The following USP27X variants were observed in gnomAD, a reference collection of about 807,000 sequenced individuals.
USP27X encodes the protein ubiquitin carboxyl-terminal hydrolase 27.
For missense variants in USP27X, 161 were observed against 341.0 expected (o/e 0.47, Z 4.16); for synonymous variants, 109 against 141.5 (o/e 0.77, Z 1.63).
At position 49,880,824 on chromosome X, in the gene USP27X, T is replaced by C; in HGVS notation, c.517T>C (p.Leu173=). Reference sequence around the variant, plus strand: ...TGCCCACGAGTTCCTCATTGCAGCGTTAGATGTCCTGCACAGGCACTGCAA... The same window carrying C: ...TGCCCACGAGTTCCTCATTGCAGCGCTAGATGTCCTGCACAGGCACTGCAA... The part of the protein sequence containing the change: ...QDAHEFLIAA[L]DVLHRHCKGD... The change falls in exon 1 of 1, where the codon TTA becomes CTA. Residue 173 remains leucine, a synonymous_variant. Coordinates refer to ENST00000621775, the MANE Select transcript of USP27X (RefSeq NM_001145073.3). 8.4e-7 allele frequency: 1 copy of C among 1,195,861 alleles called. No homozygotes were observed. Among genetic ancestry groups the C allele is most frequent in the Non-Finnish European group, 1.1e-6 (1 of 887,063 alleles).
rs1249253607 is a variant in USP27X, at chrX:49,880,337, C to T, written c.30C>T (p.Asp10=). Reference sequence around the variant, plus strand: ...GTAAGGACTATGTATATGACAAAGACATTGAGCAAATTGCCAAAGAAGAGC... The same window carrying T: ...GTAAGGACTATGTATATGACAAAGATATTGAGCAAATTGCCAAAGAAGAGC... The part of the protein sequence containing the change: MCKDYVYDK[D]IEQIAKEEQG... Residue 10 remains aspartate, a synonymous_variant, in exon 1 of 1, where the codon GAC becomes GAT. Transcript: ENST00000621775. 1 of 1,164,360 alleles carries T rather than the reference C, an allele frequency of 8.6e-7. No homozygotes were observed. Among genetic ancestry groups the T allele is most frequent in the South Asian group, 1.9e-5 (1 of 52,166 alleles).
rs1557162681 is a variant in USP27X at position 49,881,163 on chromosome X, A to G, written c.856A>G (p.Ser286Gly). The G allele has an allele frequency of 1.7e-6, 2 of 1,168,501 alleles. No individual in the cohort carries two copies. Among genetic ancestry groups the G allele is most frequent in the Admixed American group, 2.6e-5 (1 of 38,803 alleles). ...AAGCAGTGCCAAAATCAAATGTGGT[A>G]GTTGCCAAAGCTACCAGGAATCTAC... Reference protein sequence around the residue: ...LGSSAKIKCGSCQSYQESTKQ... With the variant: ...LGSSAKIKCGGCQSYQESTKQ... The change falls in exon 1 of 1, where the codon AGT becomes GGT. Residue 286 changes from serine to glycine, a missense_variant. Coordinates refer to ENST00000621775, the MANE Select transcript of USP27X (RefSeq NM_001145073.3).
In USP27X at chrX:49,880,517, C is replaced by T. The variant is rs1469474071; in HGVS notation, c.210C>T (p.Thr70=). The change falls in exon 1 of 1, where the codon ACC becomes ACT. Residue 70 remains threonine, a synonymous_variant. Coordinates refer to ENST00000621775, the MANE Select transcript of USP27X (RefSeq NM_001145073.3). Reference sequence around the variant, plus strand: ...ACAACCCGAGGAGAAGAAGAATCACCTCCAGCTTTACGATCGGTTTAAGAG... The same window carrying T: ...ACAACCCGAGGAGAAGAAGAATCACTTCCAGCTTTACGATCGGTTTAAGAG... The part of the protein sequence containing the change: ...LGHNPRRRRI[T]SSFTIGLRGL... The T allele has an allele frequency of 8.6e-7, 1 of 1,166,043 alleles. No individual in the cohort carries two copies. The highest frequency in any genetic ancestry group is 2.6e-5 in the Admixed American group (1 of 38,568).
At position 49,880,901 on chromosome X, in the gene USP27X, C is replaced by T; in HGVS notation, c.594C>T (p.Ile198=). The change falls in exon 1 of 1, where the codon ATC becomes ATT. Residue 198 remains isoleucine (I), a synonymous_variant. Transcript: ENST00000621775. ...AANNPNHCNC[I]IDQIFTGGLQ... is the part of the protein sequence containing the mutation. ...ACAATCCCAACCACTGTAACTGCAT[C>T]ATAGACCAAATCTTCACAGGTGGCC... The T allele has an allele frequency of 2.5e-6, 3 of 1,210,742 alleles. No homozygotes were observed. Among genetic ancestry groups the T allele is most frequent in the Non-Finnish European group, 3.4e-6 (3 of 894,955 alleles).
chrX:49,880,754 G>C lies in USP27X; in HGVS notation c.447G>C (p.Leu149=). 8.5e-7 allele frequency: 1 copy of C among 1,169,634 alleles called. No individual in the cohort carries two copies. The highest frequency in any genetic ancestry group is 1.1e-6 in the Non-Finnish European group (1 of 873,877). Residue 149 remains leucine, a synonymous_variant, in exon 1 of 1, where the codon CTG becomes CTC. Coordinates refer to ENST00000621775, the MANE Select transcript of USP27X (RefSeq NM_001145073.3). ...SPHVPYKLLH[L]VWIHARHLAG... ...ATGTGCCCTATAAGTTACTGCACCT[G>C]GTGTGGATACATGCCCGCCATTTAG... is the stretch of plus-strand genomic sequence containing the variant.
chrX:49,880,811 C>T lies in USP27X; in HGVS notation c.504C>T (p.Phe168=), dbSNP rs1557162583. 8.4e-7 allele frequency: 1 copy of T among 1,188,881 alleles called. No individual in the cohort carries two copies. Among genetic ancestry groups the T allele is most frequent in the Admixed American group, 2.4e-5 (1 of 41,770 alleles). Residue 168 remains phenylalanine, a synonymous_variant, in exon 1 of 1, where the codon TTC becomes TTT. Coordinates refer to ENST00000621775, the MANE Select transcript of USP27X (RefSeq NM_001145073.3). ...AGYRQQDAHE[F]LIAALDVLHR... is the part of the protein sequence containing the mutation. ...ACAGGCAACAGGATGCCCACGAGTT[C>T]CTCATTGCAGCGTTAGATGTCCTGC... is the stretch of plus-strand genomic sequence containing the variant.
chrX:49,879,574 A>AGGCGGC lies in USP27X; in HGVS notation c.-732_-731insCGGCGG, dbSNP rs1361496290. On this transcript the variant is annotated 5_prime_UTR_variant, in exon 1 of 1. Transcript: ENST00000621775. ...AAGGTGGAGGCGGAGGCGAAGGTGG[A>AGGCGGC]GGGGAAGGCGGAGGCGGCGGGGAAG... 1.8e-5 allele frequency among the ~76,000 whole-genome samples: 2 copies of AGGCGGC among 108,141 alleles called. No homozygotes were observed. The highest frequency in any genetic ancestry group is 1.0e-4 in the Admixed American group (1 of 9,991). The allele number at this position is 108,141 out of a possible 115,157, so 93.9% of individuals were successfully genotyped here.
rs1924357541 is a variant in USP27X at position 49,880,181 on chromosome X, C to G, written c.-127C>G. 2 of 566,618 alleles carry G rather than the reference C, an allele frequency of 3.5e-6. No individual in the cohort carries two copies. The highest frequency in any genetic ancestry group is 5.6e-6 in the Non-Finnish European group (2 of 357,851). The allele number at this position is 566,618 out of a possible 1,213,427, so 46.7% of individuals were successfully genotyped here. A position where few individuals can be genotyped will look rare whatever the true frequency, so the allele number is the denominator to read the frequency against. On this transcript the variant is annotated 5_prime_UTR_variant, in exon 1 of 1. Coordinates refer to ENST00000621775, the MANE Select transcript of USP27X (RefSeq NM_001145073.3). ...GCCATGTGTGTGGCACCCATCTGAACAGACTCCACTCTTGCCTTTCCTGTG... is the reference window on the plus strand; with the variant it reads ...GCCATGTGTGTGGCACCCATCTGAAGAGACTCCACTCTTGCCTTTCCTGTG...
chrX:49,880,357 A>C lies in USP27X; in HGVS notation c.50A>C (p.Glu17Ala), dbSNP rs1557162492. The C allele has an allele frequency of 8.6e-7, 1 of 1,166,032 alleles. No homozygotes were observed. Among genetic ancestry groups the C allele is most frequent in the Admixed American group, 2.6e-5 (1 of 38,553 alleles). Residue 17 changes from glutamate (E) to alanine (A), a missense_variant, in exon 1 of 1, where the codon GAA (glutamate) becomes GCA (alanine). Transcript: ENST00000621775. ...AAAGACATTGAGCAAATTGCCAAAG[A>C]AGAGCAAGGAGAAGCTTTGAAATTA... is the stretch of plus-strand genomic sequence containing the variant. ...YDKDIEQIAK[E>A]EQGEALKLQA... is the part of the protein sequence containing the mutation.
In USP27X at chrX:49,882,430, T is replaced by C. The variant is rs1924416810; in HGVS notation, c.*806T>C. ...ACCTCTTTGCGATTGTTTTATCATC[T>C]GTAAAATGCAGATAATTCCTACCTT... is the stretch of plus-strand genomic sequence containing the variant. On this transcript the variant is annotated 3_prime_UTR_variant, in exon 1 of 1. Transcript: ENST00000621775. The C allele has an allele frequency of 8.2e-6, 1 of 122,121 alleles. No homozygotes were observed. The highest frequency in any genetic ancestry group is 3.8e-4 in the South Asian group (1 of 2,601). 10.1% of individuals were successfully genotyped at this position (122,121 alleles called of 1,213,427 possible). A position where few individuals can be genotyped will look rare whatever the true frequency, so the allele number is the denominator to read the frequency against.
Position 49,881,654 on chromosome X carries a change from G to T in USP27X, c.*30G>T. On this transcript the variant is annotated 3_prime_UTR_variant, in exon 1 of 1. Coordinates refer to ENST00000621775, the MANE Select transcript of USP27X (RefSeq NM_001145073.3). The stretch of plus-strand genomic sequence containing the variant: ...ACACACAGACCTACCTGCAATGGAA[G>T]ATGACGACACCAATACTACAACTGG... The T allele has an allele frequency of 9.3e-7, 1 of 1,080,429 alleles. No individual in the cohort carries two copies. The highest frequency in any genetic ancestry group is 2.2e-5 in the South Asian group (1 of 45,097). The allele number at this position is 1,080,429 out of a possible 1,213,427, so 89.0% of individuals were successfully genotyped here. A position where few individuals can be genotyped will look rare whatever the true frequency, so the allele number is the denominator to read the frequency against.
In USP27X at chrX:49,879,547, G is replaced by GGAAGGTGGAGGCGGAGGC. The variant is rs1386325690; in HGVS notation, c.-749_-732dup. 2.7e-5 allele frequency among the ~76,000 whole-genome samples: 3 copies of GGAAGGTGGAGGCGGAGGC among 110,161 alleles called. No homozygotes were observed. The highest frequency in any genetic ancestry group is 3.3e-5 in the African/African-American group (1 of 30,427). ...GCGGAGACGGCGGAGAAGGCGGAGA[G>GGAAGGTGGAGGCGGAGGC]GAAGGTGGAGGCGGAGGCGAAGGTG... On this transcript the variant is annotated 5_prime_UTR_variant, in exon 1 of 1. Coordinates refer to ENST00000621775, the MANE Select transcript of USP27X (RefSeq NM_001145073.3).
rs1173960369 is a variant in USP27X, at chrX:49,881,885, C to G, written c.*261C>G. 1.6e-4 allele frequency: 28 copies of G among 173,355 alleles called. No individual in the cohort carries two copies. The Admixed American group carries it at 2.8e-3, about 17-fold the overall frequency. 14.3% of individuals were successfully genotyped at this position (173,355 alleles called of 1,213,427 possible). On this transcript the variant is annotated 3_prime_UTR_variant, in exon 1 of 1. Coordinates refer to ENST00000621775, the MANE Select transcript of USP27X (RefSeq NM_001145073.3). ...AGGCAGGAGCAGGAAAATGCTGACACTGGTACATATCCTATATTCCTCCAA... is the reference window on the plus strand; with the variant it reads ...AGGCAGGAGCAGGAAAATGCTGACAGTGGTACATATCCTATATTCCTCCAA...
At position 49,881,645 on chromosome X, in the gene USP27X, G is replaced by A; in HGVS notation, c.*21G>A. 1 of 1,104,190 alleles carries A rather than the reference G, an allele frequency of 9.1e-7. No homozygotes were observed. The highest frequency in any genetic ancestry group is 2.2e-5 in the South Asian group (1 of 46,099). The allele number at this position is 1,104,190 out of a possible 1,213,427, so 91.0% of individuals were successfully genotyped here. ...ACTGAAGTGACACACAGACCTACCT[G>A]CAATGGAAGATGACGACACCAATAC... is the stretch of plus-strand genomic sequence containing the variant. On this transcript the variant is annotated 3_prime_UTR_variant, in exon 1 of 1. Transcript: ENST00000621775.
In USP27X at chrX:49,880,690, C is replaced by T; in HGVS notation, c.383C>T (p.Ser128Leu). 8.6e-7 allele frequency: 1 copy of T among 1,168,068 alleles called. No individual in the cohort carries two copies. The highest frequency in any genetic ancestry group is 1.1e-6 in the Non-Finnish European group (1 of 873,186). The change falls in exon 1 of 1, where the codon TCG (serine) becomes TTG (leucine). Residue 128 changes from serine (S) to leucine (L), a missense_variant. Coordinates refer to ENST00000621775, the MANE Select transcript of USP27X (RefSeq NM_001145073.3). The stretch of plus-strand genomic sequence containing the variant: ...TTGTGTCTGGTCTGTGAGATGTCGT[C>T]GCTGTTTCGGGAGTTGTATTCTGGA... ...PELCLVCEMS[S>L]LFRELYSGNP...
rs1924409189 is a variant in USP27X, at chrX:49,882,250, G to C, written c.*626G>C. 1 of 118,186 alleles carries C rather than the reference G, an allele frequency of 8.5e-6. No homozygotes were observed. The highest frequency in any genetic ancestry group is 3.4e-5 in the African/African-American group (1 of 29,175). 9.7% of individuals were successfully genotyped at this position (118,186 alleles called of 1,213,427 possible). A position where few individuals can be genotyped will look rare whatever the true frequency, so the allele number is the denominator to read the frequency against. ...GGAAATAAGGGGGCTTGTAAAAGGG[G>C]AGCCGTCGCTCCAAAAGTAGAGAAG... On this transcript the variant is annotated 3_prime_UTR_variant, in exon 1 of 1. Coordinates refer to ENST00000621775, the MANE Select transcript of USP27X (RefSeq NM_001145073.3).
Position 49,880,044 on chromosome X carries a change from A to G in USP27X, c.-264A>G, listed in dbSNP as rs1250251621. ...GGGGCCACCAGGCTGTTCTCACGTG[A>G]ACAGCTTTAAGGTGGGAGAGAACTG... is the stretch of plus-strand genomic sequence containing the variant. On this transcript the variant is annotated 5_prime_UTR_variant, in exon 1 of 1. The change abolishes the stop of an existing upstream ORF in the 5' untranslated region. Transcript: ENST00000621775. The G allele has an allele frequency of 3.8e-6, 1 of 261,801 alleles. No individual in the cohort carries two copies. Among genetic ancestry groups the G allele is most frequent in the Non-Finnish European group, 6.8e-6 (1 of 146,434 alleles). 21.6% of individuals were successfully genotyped at this position (261,801 alleles called of 1,213,427 possible). A position where few individuals can be genotyped will look rare whatever the true frequency, so the allele number is the denominator to read the frequency against.
In USP27X at chrX:49,879,559, CGGAGGCGAAGGT is replaced by C. The variant is rs1474903684; in HGVS notation, c.-743_-732del. On this transcript the variant is annotated 5_prime_UTR_variant, in exon 1 of 1. Transcript: ENST00000621775. ...GAGAAGGCGGAGAGGAAGGTGGAGG[CGGAGGCGAAGGT>C]GGAGGGGAAGGCGGAGGCGGCGGGG... Among the ~76,000 whole-genome samples the C allele has an allele frequency of 9.3e-6, 1 of 107,366 alleles. No individual in the cohort carries two copies. Among genetic ancestry groups the C allele is most frequent in the Non-Finnish European group, 1.9e-5 (1 of 51,931 alleles). 93.2% of individuals were successfully genotyped at this position (107,366 alleles called of 115,157 possible).
chrX:49,880,988 G>T lies in USP27X; in HGVS notation c.681G>T (p.Trp227Cys). ...TCTCCACCACGATAGACCCATGCTG[G>T]GACATTAGTTTGGACTTGCCTGGCT... ...HGVSTTIDPC[W>C]DISLDLPGSC... Residue 227 changes from tryptophan (W) to cysteine (C), a missense_variant, in exon 1 of 1, where the codon TGG (tryptophan) becomes TGT (cysteine). Physicochemically the swap from Trp to Cys is radical, Grantham distance 215. Transcript: ENST00000621775. 8.3e-7 allele frequency: 1 copy of T among 1,204,038 alleles called. No homozygotes were observed. Among genetic ancestry groups the T allele is most frequent in the Non-Finnish European group, 1.1e-6 (1 of 891,403 alleles).
Sources: gnomAD v4.1 joint callset for allele counts (sites outside exome capture counted in the v4.1 genomes callset) on GRCh38, gnomAD v4.1.1 for gene constraint, MANE v1.5 for transcripts, NCBI Gene and HGNC (gene_info 2026-07-23, HGNC 2026-07-21) for gene names.